The following TM4SF5 variants were observed in gnomAD, a reference collection of about 807,000 sequenced individuals.
The protein encoded by TM4SF5 is transmembrane 4 L6 family member 5.
In TM4SF5, 16 loss-of-function variants were observed where a neutral mutation model predicts 22.3. That is an observed-to-expected ratio of 0.72 (90% CI 0.49 to 1.09). The LOEUF (loss-of-function observed/expected upper bound fraction) is 1.09, where lower values mean the gene tolerates loss of function less well. TM4SF5 is among the 50% of genes least tolerant of loss of function. TM4SF5 has a pLI of 0.00. For synonymous variants in TM4SF5, 113 were observed against 109.6 expected (o/e 1.03, Z -0.19); for missense variants, 249 against 266.1 (o/e 0.94, Z 0.45).
At chr17:4,780,133 A>C (rs548030961) in intron 1 of TM4SF5, among the ~76,000 whole-genome samples, 100 of 144,810 alleles carry the variant, frequency 6.9e-4, no homozygotes, top group African/African-American at 2.4e-3. Flanking sequence ...TCAGCTCACC[A>C]CAACCTCCAC....
In TM4SF5 at chr17:4,772,027, C is replaced by A. The variant is rs771562862; in HGVS notation, c.105C>A (p.Thr35=). The A allele has an allele frequency of 2.6e-5, 42 of 1,614,088 alleles. No individual in the cohort carries two copies. Among genetic ancestry groups the A allele is most frequent in the Non-Finnish European group, 3.4e-5 (40 of 1,180,048 alleles). ...NALLLVPNGE[T]SWTNTNHLSL... is the part of the protein sequence containing the mutation. Reference sequence around the variant, plus strand: ...TCCTGCTGGTACCTAATGGGGAGACCTCCTGGACCAACACCAACCATCTCA... The same window carrying A: ...TCCTGCTGGTACCTAATGGGGAGACATCCTGGACCAACACCAACCATCTCA... Residue 35 remains threonine (T), a synonymous_variant, in exon 1 of 5, where the codon ACC becomes ACA. Coordinates refer to ENST00000270560, the MANE Select transcript of TM4SF5 (RefSeq NM_003963.3).
chr17:4,780,340 C>T (rs1408747297), intron 1 of TM4SF5, among the ~76,000 whole-genome samples: 5 of 152,174 alleles, frequency 3.3e-5, no homozygotes, highest in African/African-American at 9.7e-5. Context: ...CAGGCGTGAA[C>T]CACCGCGCCC....
intron 3 of TM4SF5, 103 bp from the exon 4 acceptor site, chr17:4,782,751 G>C (rs1917336767): frequency 6.4e-7 from 1 of 1,571,570 alleles, no homozygotes. Context: ...CTCGCTCCAC[G>C]TGGGCTACCT....
chr17:4,772,275 C>T (rs1463734904), intron 1 of TM4SF5, among the ~76,000 whole-genome samples, 176 bp downstream of exon 1: 1 of 152,160 alleles, frequency 6.6e-6, no homozygotes, highest in African/African-American at 2.4e-5. Flanking sequence ...GGGTCCCAAG[C>T]TGAATGTCTG....
intron 1 of TM4SF5, among the ~76,000 whole-genome samples, chr17:4,775,281 C>T (rs1339443819): frequency 6.8e-6 from 1 of 147,468 alleles, no homozygotes; most frequent in Non-Finnish European, 1.5e-5. Flanking sequence ...TTTTTTGAGA[C>T]GGAATCTCAC....
In TM4SF5 at chr17:4,783,208, T is replaced by C; in HGVS notation, c.*80T>C. The C allele has an allele frequency of 6.3e-7, 1 of 1,592,780 alleles. No homozygotes were observed. Among genetic ancestry groups the C allele is most frequent in the Non-Finnish European group, 8.6e-7 (1 of 1,163,820 alleles). ...CTCGCTAGAATAAACTGCTTTGCGCTCTCTTCTCTGTCTGAGATTGTGCCT... is the reference window on the plus strand; with the variant it reads ...CTCGCTAGAATAAACTGCTTTGCGCCCTCTTCTCTGTCTGAGATTGTGCCT... On this transcript the variant is annotated 3_prime_UTR_variant, in exon 5 of 5. Transcript: ENST00000270560.
chr17:4,778,425 G>A (rs1917244054), intron 1 of TM4SF5, among the ~76,000 whole-genome samples: 1 of 151,948 alleles, frequency 6.6e-6, no homozygotes, highest in African/African-American at 2.4e-5. Context: ...GATCAGCTAG[G>A]CAACATGGTA....
intron 2 of TM4SF5, among the ~76,000 whole-genome samples, chr17:4,781,135 TAAAAAAA>T (rs541886050): frequency 1.6e-4 from 20 of 125,182 alleles, no homozygotes; most frequent in Middle Eastern, 4.3e-3. Context: ...AGCAGTGATT[TAAAAAAA>T]AAAAAAAAAA....
chr17:4,775,499 T>C (rs1346918850), intron 1 of TM4SF5, among the ~76,000 whole-genome samples: 3 of 151,794 alleles, frequency 2.0e-5, no homozygotes, highest in Non-Finnish European at 4.4e-5. Flanking sequence ...CTCCTGACCT[T>C]GTGATCCACC....
At chr17:4,782,440 C>CATTAATGCG in intron 2 of TM4SF5, 63 bp from the exon 3 acceptor site, 7 of 1,596,562 alleles carry the variant, frequency 4.4e-6, no homozygotes, top group Non-Finnish European at 6.0e-6. Context: ...GGGGCTGGCG[C>CATTAATGCG]TGAGCGTCGT....
rs371683186 is a variant in TM4SF5 at position 4,780,779 on chromosome 17, T to C, written c.178-10T>C. On this transcript the variant is annotated splice_polypyrimidine_tract_variant and intron_variant, in intron 1 of 4. Coordinates refer to ENST00000270560, the MANE Select transcript of TM4SF5 (RefSeq NM_003963.3). ...GGGGACGTGCTATAACAATGACTCT[T>C]GTCCCACAGGTACTGTGTCCGGGGA... is the stretch of plus-strand genomic sequence containing the variant. The C allele has an allele frequency of 3.7e-6, 6 of 1,606,654 alleles. No homozygotes were observed. The highest frequency in any genetic ancestry group is 2.7e-5 in the African/African-American group (2 of 74,624).
At chr17:4,782,241 G>T (rs946223192) in intron 2 of TM4SF5, among the ~76,000 whole-genome samples, 2 of 151,796 alleles carry the variant, frequency 1.3e-5, no homozygotes, top group Non-Finnish European at 2.9e-5. Context: ...ACCACACCCG[G>T]CTAATTTTTG....
Position 4,782,852 on chromosome 17 carries a change from A to C in TM4SF5, c.396-2A>C, listed in dbSNP as rs767256969. On this transcript the variant is annotated splice_acceptor_variant, in intron 3 of 4. Coordinates refer to ENST00000270560, the MANE Select transcript of TM4SF5 (RefSeq NM_003963.3). LOFTEE classifies it high-confidence loss of function. Reference sequence around the variant, plus strand: ...TCCCACGTGGCCTCACCCCTCCCACAGGGGAGCTTACTTGCTCAACCGCAC... The same window carrying C: ...TCCCACGTGGCCTCACCCCTCCCACCGGGGAGCTTACTTGCTCAACCGCAC... 6.2e-7 allele frequency: 1 copy of C among 1,610,960 alleles called. No homozygotes were observed. Among genetic ancestry groups the C allele is most frequent in the East Asian group, 2.2e-5 (1 of 44,840 alleles).
rs553682192 is a variant in TM4SF5, at chr17:4,771,944, C to A, written c.22C>A (p.Arg8Ser). 1 of 1,614,196 alleles carries A rather than the reference C, an allele frequency of 6.2e-7. No individual in the cohort carries two copies. The highest frequency in any genetic ancestry group is 2.2e-5 in the East Asian group (1 of 44,878). MCTGKCA[R>S]CVGLSLITLC... is the part of the protein sequence containing the mutation. Reference sequence around the variant, plus strand: ...CACCATGTGTACGGGAAAATGTGCCCGCTGTGTGGGGCTCTCCCTCATTAC... The same window carrying A: ...CACCATGTGTACGGGAAAATGTGCCAGCTGTGTGGGGCTCTCCCTCATTAC... The change falls in exon 1 of 5, where the codon CGC becomes AGC. Residue 8 changes from arginine to serine, a missense_variant. By Grantham distance (110) the Arg-to-Ser change is moderately radical. Transcript: ENST00000270560.
intron 2 of TM4SF5, among the ~76,000 whole-genome samples, chr17:4,781,117 C>T (rs1917298605): frequency 7.0e-6 from 1 of 142,150 alleles, no homozygotes; most frequent in Non-Finnish European, 1.5e-5. Context: ...GAGGTCCAGG[C>T]TGCAGTAAGC....
intron 1 of TM4SF5, among the ~76,000 whole-genome samples, chr17:4,773,272 A>T (rs1917148644): frequency 6.6e-6 from 1 of 152,020 alleles, no homozygotes; most frequent in African/African-American, 2.4e-5. Context: ...GATTCAAGTG[A>T]TCCTCCTGCC....
At chr17:4,780,256 T>C (rs943244535) in intron 1 of TM4SF5, among the ~76,000 whole-genome samples, 1 of 151,918 alleles carries the variant, frequency 6.6e-6, no homozygotes, top group Non-Finnish European at 1.5e-5. Flanking sequence ...GGTTTCTCCA[T>C]GTTGGTCAGG....
At position 4,782,556 on chromosome 17, in the gene TM4SF5, C is replaced by T; in HGVS notation, c.312C>T (p.Cys104=). Residue 104 remains cysteine (C), a synonymous_variant, in exon 3 of 5, where the codon TGC becomes TGT. Coordinates refer to ENST00000270560, the MANE Select transcript of TM4SF5 (RefSeq NM_003963.3). ...SAFGVLGAIY[C]LSVSGAGLRN... is the part of the protein sequence containing the mutation. Reference sequence around the variant, plus strand: ...TCGGGGTGCTTGGTGCCATCTACTGCCTCTCGGTGTCTGGAGCTGGGCTCC... The same window carrying T: ...TCGGGGTGCTTGGTGCCATCTACTGTCTCTCGGTGTCTGGAGCTGGGCTCC... The T allele has an allele frequency of 6.2e-7, 1 of 1,614,134 alleles. No homozygotes were observed. The highest frequency in any genetic ancestry group is 8.5e-7 in the Non-Finnish European group (1 of 1,180,012).
intron 1 of TM4SF5, among the ~76,000 whole-genome samples, chr17:4,778,242 A>T (rs1181347551): frequency 6.6e-6 from 1 of 152,100 alleles, no homozygotes; most frequent in African/African-American, 2.4e-5. Context: ...GTTGCTGGGG[A>T]TGATATAATA....
Sources: gnomAD v4.1 joint callset for allele counts (sites outside exome capture counted in the v4.1 genomes callset) on GRCh38, gnomAD v4.1.1 for gene constraint, MANE v1.5 for transcripts, NCBI Gene and HGNC (gene_info 2026-07-23, HGNC 2026-07-21) for gene names.